SLC8A1: variants seen among roughly 807,000 people sequenced by gnomAD.
SLC8A1 encodes the protein solute carrier family 8 member A1.
A neutral mutation model predicts 68.3 loss-of-function variants in SLC8A1; 18 were observed. The ratio of observed to expected loss-of-function variants is 0.26; its 90% CI spans 0.18 to 0.39. The LOEUF is 0.39. Ranked by LOEUF, SLC8A1 falls within the 10% of genes least tolerant of loss-of-function variation. SLC8A1 has a pLI of 1.00. For missense variants in SLC8A1, 985 were observed against 1,156.7 expected, an observed-to-expected ratio of 0.85 and a Z score of 2.15; for synonymous variants, 475 against 415.5, an observed-to-expected ratio of 1.14 and a Z score of -1.74.
chr2:40,287,160 C>T (rs1260356843), intron 2 of SLC8A1, among the ~76,000 whole-genome samples: 4 of 152,116 alleles, frequency 2.6e-5, no homozygotes, highest in Non-Finnish European at 5.9e-5. Flanking sequence ...ATCATGTTAC[C>T]AGTCTGTCAG....
intron 3 of SLC8A1, among the ~76,000 whole-genome samples, chr2:40,177,049 CTTTTTTTTA>C (rs1439014598): frequency 6.6e-6 from 1 of 151,766 alleles, no homozygotes; most frequent in Non-Finnish European, 1.5e-5. Flanking sequence ...TTTATTTTTT[CTTTTTTTTA>C]TATGTGTTAA....
exon 8 of SLC8A1, chr2:40,105,196 T>C (rs2034120193): frequency 6.6e-6 from 1 of 152,196 alleles, no homozygotes; most frequent in Non-Finnish European, 1.5e-5. Context: ...GGAACCATGA[T>C]AGATAAAAAC....
At chr2:40,354,901 A>G (rs1390553586) in intron 2 of SLC8A1, among the ~76,000 whole-genome samples, 3 of 152,276 alleles carry the variant, frequency 2.0e-5, no homozygotes, top group African/African-American at 7.2e-5. Context: ...GATTACCTCT[A>G]GAAATATCCC....
At chr2:40,444,454 T>C (rs1434598494) in intron 1 of SLC8A1, among the ~76,000 whole-genome samples, 1 of 152,176 alleles carries the variant, frequency 6.6e-6, no homozygotes, top group Non-Finnish European at 1.5e-5. Context: ...TCAGAAGTGA[T>C]GGAGCTGGGC....
intron 2 of SLC8A1, among the ~76,000 whole-genome samples, chr2:40,205,198 G>C (rs2055158564): frequency 6.6e-6 from 1 of 151,658 alleles, no homozygotes; most frequent in Non-Finnish European, 1.5e-5. Context: ...CTTTCCATAA[G>C]GTATACCTAT....
intron 2 of SLC8A1, among the ~76,000 whole-genome samples, chr2:40,253,040 AG>A (rs2063151178): frequency 1.1e-5 from 1 of 87,724 alleles, no homozygotes; most frequent in Non-Finnish European, 2.5e-5. Flanking sequence ...CATATGTATC[AG>A]TATATGTATA....
At chr2:40,421,919 G>A (rs1279097255) in intron 2 of SLC8A1, among the ~76,000 whole-genome samples, 1 of 152,190 alleles carries the variant, frequency 6.6e-6, no homozygotes, top group Non-Finnish European at 1.5e-5. Flanking sequence ...GGAGGCAATG[G>A]AGGAGATTTC....
chr2:40,298,515 C>T (rs1292963788), intron 2 of SLC8A1, among the ~76,000 whole-genome samples: 1 of 152,122 alleles, frequency 6.6e-6, no homozygotes, highest in African/African-American at 2.4e-5. Flanking sequence ...CAGGGGAGTA[C>T]TCATTTCAGG....
At chr2:40,392,030 TA>T (rs1004683591) in intron 2 of SLC8A1, among the ~76,000 whole-genome samples, 1 of 148,220 alleles carries the variant, frequency 6.7e-6, no homozygotes, top group East Asian at 2.0e-4. Context: ...TGCCTTCTCT[TA>T]AAAAAACAAA....
chr2:40,238,689 A>G (rs899189206), intron 2 of SLC8A1, among the ~76,000 whole-genome samples: 3 of 152,218 alleles, frequency 2.0e-5, no homozygotes, highest in African/African-American at 7.2e-5. Flanking sequence ...TCAGTCTTCT[A>G]TATTCCTTAA....
At chr2:40,468,307 G>T (rs1703811965) in intron 1 of SLC8A1, among the ~76,000 whole-genome samples, 1 of 152,110 alleles carries the variant, frequency 6.6e-6, no homozygotes, top group Admixed American at 6.6e-5. Context: ...GTTTAGTGGT[G>T]TTTATGTATA....
At chr2:40,251,458 C>G (rs1457877878) in intron 2 of SLC8A1, 1 of 152,120 alleles carries the variant, frequency 6.6e-6, no homozygotes, top group African/African-American at 2.4e-5. Context: ...ATGGAAGAGT[C>G]GTTCTTCCAA....
intron 1 of SLC8A1, among the ~76,000 whole-genome samples, chr2:40,476,314 CATACCTGCTGGATATCAGGCATTCTTG>C (rs536220694): frequency 3.3e-4 from 51 of 152,316 alleles, no homozygotes; most frequent in African/African-American, 1.2e-3. Context: ...ATCCCTTCTT[CATACCTGCTGGATATCAGGCATTCTTG>C]ATACCTGCTG....
At chr2:40,450,917 CA>C (rs1251597340) in intron 1 of SLC8A1, among the ~76,000 whole-genome samples, 2 of 151,860 alleles carry the variant, frequency 1.3e-5, no homozygotes, top group Non-Finnish European at 2.9e-5. Context: ...GAGGGAAATA[CA>C]AATTGCCAGC....
intron 1 of SLC8A1, among the ~76,000 whole-genome samples, chr2:40,499,339 T>G (rs963664390): frequency 6.6e-6 from 1 of 152,058 alleles, no homozygotes; most frequent in Non-Finnish European, 1.5e-5. Context: ...TTTCCTCATC[T>G]AAAAATGAGG....
intron 1 of SLC8A1, among the ~76,000 whole-genome samples, chr2:40,438,103 C>T (rs948007686): frequency 6.6e-6 from 1 of 152,100 alleles, no homozygotes; most frequent in East Asian, 1.9e-4. Flanking sequence ...GACTGTGGTC[C>T]TGCAAGCTAG....
At chr2:40,482,279 A>G (rs1016505068) in intron 1 of SLC8A1, among the ~76,000 whole-genome samples, 1 of 152,106 alleles carries the variant, frequency 6.6e-6, no homozygotes, top group African/African-American at 2.4e-5. Context: ...CTTTTCACAC[A>G]TTGCAGGGTC....
At chr2:40,490,123 G>A (rs544537525) in intron 1 of SLC8A1, among the ~76,000 whole-genome samples, 13 of 152,126 alleles carry the variant, frequency 8.5e-5, no homozygotes, top group East Asian at 1.9e-4. Context: ...GTGAAATTGC[G>A]TGGATATCTT....
intron 2 of SLC8A1, among the ~76,000 whole-genome samples, chr2:40,381,954 T>A (rs1681951742): frequency 6.6e-6 from 1 of 151,966 alleles, no homozygotes; most frequent in African/African-American, 2.4e-5. Context: ...TTTTAGTCAG[T>A]CAGGAGGATG....
Sources: allele counts gnomAD v4.1 joint callset (sites outside exome capture counted in the v4.1 genomes callset), GRCh38; gene constraint gnomAD v4.1.1; transcripts MANE v1.5; gene names NCBI Gene and HGNC (gene_info 2026-07-23, HGNC 2026-07-21).